Variants in SEMA6D observed in about 807,000 individuals in gnomAD.
The protein encoded by SEMA6D is semaphorin 6D, also known as semaphorin-6D.
Under a neutral mutation model 106.6 loss-of-function variants are expected in SEMA6D, and 35 were observed. The ratio of observed to expected loss-of-function variants is 0.33; its 90% CI spans 0.25 to 0.44. SEMA6D has a LOEUF of 0.44. SEMA6D is among the 20% of genes least tolerant of loss of function. The probability of loss-of-function intolerance (pLI) is 1.00; values close to 1 mark genes in which losing one functional copy is unlikely to be tolerated. For missense variants in SEMA6D, 1,185 were observed against 1,345.9 expected (o/e 0.88, Z 1.87); for synonymous variants, 499 against 487.7 (o/e 1.02, Z -0.31).
At position 47,764,301 on chromosome 15, in the gene SEMA6D, C is replaced by G; in HGVS notation, c.1093C>G (p.Pro365Ala). ...AGTTCCCGAAGACAAAGTGCCAAAG[C>G]CAAGGTAAATAAAAAAGTAGAAAAG... ...TAVPEDKVPK[P>A]RPGCCAKHGL... is the part of the protein sequence containing the mutation. Residue 365 changes from proline to alanine, a missense_variant, in exon 11 of 19, where the codon CCA becomes GCA. Around this residue, in one of 3 missense-constraint regions of SEMA6D, gnomAD observed 291 missense variants for 423.8 expected, o/e 0.69. Transcript: ENST00000536845. 4 of 1,611,162 alleles carry G rather than the reference C, an allele frequency of 2.5e-6. No homozygotes were observed. Among genetic ancestry groups the G allele is most frequent in the Non-Finnish European group, 3.4e-6 (4 of 1,179,074 alleles).
chr15:47,342,656 A>G (rs921618695), intron 1 of SEMA6D, among the ~76,000 whole-genome samples: 1 of 152,214 alleles, frequency 6.6e-6, no homozygotes, highest in Non-Finnish European at 1.5e-5. Flanking sequence ...TGATTACTAA[A>G]ATAACTTTTG....
At chr15:47,571,419 T>C (rs950430997) in intron 3 of SEMA6D, among the ~76,000 whole-genome samples, 2 of 152,232 alleles carry the variant, frequency 1.3e-5, no homozygotes, top group African/African-American at 4.8e-5. Flanking sequence ...TGCTGTCTGA[T>C]TAGAGCATTC....
At position 47,465,428 on chromosome 15, in the gene SEMA6D, G is replaced by A. The variant is rs866825537; in HGVS notation, c.-158-5046G>A. On this transcript the variant is annotated intron_variant, in intron 2 of 19. Coordinates refer to the SEMA6D transcript ENST00000558014. ...CTTAGCTTTGCAACATTGCTAGGTG[G>A]CTAAATTATTGCATAACTTATAAAG... Among the ~76,000 whole-genome samples the A allele has an allele frequency of 2.0e-5, 3 of 152,144 alleles. No homozygotes were observed. In the South Asian group the frequency reaches 6.2e-4, roughly 32 times the overall value.
intron 1 of SEMA6D, among the ~76,000 whole-genome samples, chr15:47,294,841 A>G (rs1250384460): frequency 6.6e-6 from 1 of 152,226 alleles, no homozygotes; most frequent in Non-Finnish European, 1.5e-5. Context: ...ATTGGCCAAC[A>G]ATTGACAAAG....
intron 1 of SEMA6D, among the ~76,000 whole-genome samples, chr15:47,406,958 AAACAAC>A (rs374147364): frequency 4.6e-5 from 7 of 152,154 alleles, no homozygotes; most frequent in Non-Finnish European, 8.8e-5. Flanking sequence ...ACAAAAATAA[AAACAAC>A]AACAACAACA....
intron 1 of SEMA6D, among the ~76,000 whole-genome samples, chr15:47,342,169 T>C (rs1171756496): frequency 2.6e-5 from 4 of 152,166 alleles, no homozygotes; most frequent in Non-Finnish European, 5.9e-5. Flanking sequence ...ACCCAACTAG[T>C]GGAAACCAAC....
chr15:47,363,611 A>G (rs532487638), intron 1 of SEMA6D, among the ~76,000 whole-genome samples: 2 of 152,346 alleles, frequency 1.3e-5, no homozygotes, highest in South Asian at 2.1e-4. Context: ...AAGTGGAATG[A>G]AAGTGCTGAC....
chr15:47,314,816 C>T (rs2036587051), intron 1 of SEMA6D, among the ~76,000 whole-genome samples: 1 of 145,176 alleles, frequency 6.9e-6, no homozygotes, highest in Admixed American at 6.9e-5. Flanking sequence ...TGTATCTAAA[C>T]AGTCATCATC....
At chr15:47,566,760 A>G (rs2046241003) in intron 3 of SEMA6D, among the ~76,000 whole-genome samples, 1 of 152,262 alleles carries the variant, frequency 6.6e-6, no homozygotes, top group African/African-American at 2.4e-5. Flanking sequence ...AATTGTTATG[A>G]GAATTCAATG....
At chr15:47,766,228 G>C in intron 15 of SEMA6D, 46 bp downstream of exon 15, 1 of 1,525,908 alleles carries the variant, frequency 6.6e-7, no homozygotes, top group Non-Finnish European at 9.0e-7. Context: ...ATCCTCTCCA[G>C]GGTCTCTAAA....
chr15:47,384,885 C>T (rs992877499), intron 1 of SEMA6D, among the ~76,000 whole-genome samples: 2 of 73,518 alleles, frequency 2.7e-5, no homozygotes, highest in African/African-American at 1.1e-4. Flanking sequence ...CCTGGCAGAT[C>T]ATTTGTTGTT....
intron 2 of SEMA6D, among the ~76,000 whole-genome samples, chr15:47,434,586 C>T (rs1216431106): frequency 6.6e-6 from 1 of 152,024 alleles, no homozygotes; most frequent in Non-Finnish European, 1.5e-5. Context: ...TCTTCAGAAA[C>T]AGACTATAGG....
Position 47,770,561 on chromosome 15 carries a change from C to A in SEMA6D, c.1998C>A (p.Thr666=). 5.6e-6 allele frequency: 9 copies of A among 1,613,712 alleles called. No homozygotes were observed. The South Asian group carries it at 8.8e-5, about 16-fold the overall frequency. ...NQMVHMNVLI[T]CVFAAFVLGA... ...TGGTCCACATGAATGTCCTCATCAC[C>A]TGTGTCTTTGCTGCTTTTGTTTTGG... The change falls in exon 19 of 19, where the codon ACC becomes ACA. Residue 666 remains threonine, a synonymous_variant. Transcript: ENST00000536845.
intron 1 of SEMA6D, among the ~76,000 whole-genome samples, chr15:47,262,279 C>A (rs2034110984): frequency 6.6e-6 from 1 of 152,094 alleles, no homozygotes; most frequent in Non-Finnish European, 1.5e-5. Flanking sequence ...TTTATAGGTT[C>A]AATGTTATGC....
At chr15:47,651,601 G>T (rs946094408) in intron 4 of SEMA6D, among the ~76,000 whole-genome samples, 1 of 152,122 alleles carries the variant, frequency 6.6e-6, no homozygotes, top group Non-Finnish European at 1.5e-5. Flanking sequence ...CAACCACCAG[G>T]TTCTTCACAT....
At chr15:47,691,478 G>A (rs752189147) in intron 4 of SEMA6D, among the ~76,000 whole-genome samples, 1 of 152,140 alleles carries the variant, frequency 6.6e-6, no homozygotes, top group Non-Finnish European at 1.5e-5. Flanking sequence ...AATAATATGG[G>A]TTAGATTGTC....
At chr15:47,407,732 C>T (rs1040108504) in intron 1 of SEMA6D, among the ~76,000 whole-genome samples, 1 of 152,180 alleles carries the variant, frequency 6.6e-6, no homozygotes, top group Non-Finnish European at 1.5e-5. Flanking sequence ...TGCAGACCTG[C>T]AGTTTTTACA....
chr15:47,711,195 A>G (rs926193994), intron 4 of SEMA6D, among the ~76,000 whole-genome samples: 16 of 149,854 alleles, frequency 1.1e-4, no homozygotes, highest in Non-Finnish European at 1.8e-4. Context: ...CTGTAGTCCC[A>G]GCTACTTGGG....
At chr15:47,746,107 T>A (rs996511164) in intron 1 of SEMA6D, among the ~76,000 whole-genome samples, 3 of 152,202 alleles carry the variant, frequency 2.0e-5, no homozygotes, top group Middle Eastern at 3.2e-3. Context: ...AAGGCCTTAT[T>A]TTTGGTGACC....
Sources: gnomAD v4.1 joint callset for allele counts (sites outside exome capture counted in the v4.1 genomes callset) on GRCh38, gnomAD v4.1.1 for gene constraint, gnomAD v4.1.1 regional missense constraint, MANE v1.5 for transcripts, NCBI Gene and HGNC (gene_info 2026-07-23, HGNC 2026-07-21) for gene names.